Variants in CASK observed in about 807,000 individuals in gnomAD.
The protein encoded by CASK is calcium/calmodulin dependent serine protein kinase.
In CASK, 4 loss-of-function variants were observed where a neutral mutation model predicts 82.9. The ratio of observed to expected loss-of-function variants is 0.05; its 90% CI spans 0.02 to 0.11. The LOEUF (loss-of-function observed/expected upper bound fraction) is 0.11. CASK is among the 10% of genes least tolerant of loss of function. CASK has a pLI of 1.00. For missense variants in CASK, 358 were observed against 720.9 expected, an observed-to-expected ratio of 0.50 and a Z score of 5.76; for synonymous variants, 259 against 253.5, an observed-to-expected ratio of 1.02 and a Z score of -0.20.
intron 14 of CASK, among the ~76,000 whole-genome samples, chrX:41,581,758 A>ATC: frequency 9.2e-6 from 1 of 109,276 alleles, no homozygotes; most frequent in East Asian, 2.8e-4. Context: ...ATATATATAT[A>ATC]TCTCAGAATT....
intron 1 of CASK, among the ~76,000 whole-genome samples, chrX:41,915,670 C>T (rs1324895865): frequency 9.1e-6 from 1 of 109,527 alleles, no homozygotes; most frequent in African/African-American, 3.3e-5. Flanking sequence ...TCGAGACCAG[C>T]CTGGTGAAAC....
intron 1 of CASK, among the ~76,000 whole-genome samples, chrX:41,859,919 T>C (rs1057098691): frequency 9.0e-5 from 10 of 111,607 alleles, no homozygotes; most frequent in Non-Finnish European, 1.7e-4. Context: ...TCAGCATTCA[T>C]GGTAACTTTA....
At chrX:41,565,654 G>A (rs2065302427) in intron 16 of CASK, among the ~76,000 whole-genome samples, 1 of 111,422 alleles carries the variant, frequency 9.0e-6, no homozygotes, top group Non-Finnish European at 1.9e-5. Flanking sequence ...TTCTACCGGA[G>A]GTACAAAGAG....
At chrX:41,917,209 C>T (rs2072708351) in intron 1 of CASK, among the ~76,000 whole-genome samples, 1 of 111,920 alleles carries the variant, frequency 8.9e-6, no homozygotes, top group Non-Finnish European at 1.9e-5. Flanking sequence ...CATGGAACCG[C>T]GTTGGAATCT....
chrX:41,738,303 T>C (rs942430978), intron 5 of CASK, among the ~76,000 whole-genome samples: 5 of 112,867 alleles, frequency 4.4e-5, no homozygotes, highest in African/African-American at 1.3e-4. Context: ...GGGGGACCCA[T>C]TGAGATGCTC....
chrX:41,799,530 G>A (rs1159937022), intron 2 of CASK, among the ~76,000 whole-genome samples: 4 of 109,442 alleles, frequency 3.7e-5, no homozygotes, highest in African/African-American at 1.3e-4. Context: ...GGGAGACAGA[G>A]CAAGACTCTG....
intron 5 of CASK, among the ~76,000 whole-genome samples, chrX:41,719,294 C>T (rs761537634): frequency 8.9e-6 from 1 of 111,976 alleles, no homozygotes; most frequent in Non-Finnish European, 1.9e-5. Flanking sequence ...TGGTCACCCA[C>T]AGTTTGGAGC....
intron 5 of CASK, among the ~76,000 whole-genome samples, chrX:41,673,454 T>C (rs2067222197): frequency 9.0e-6 from 1 of 111,721 alleles, no homozygotes; most frequent in African/African-American, 3.3e-5. Flanking sequence ...AATAGAGCCA[T>C]AAATGCAAAT....
At chrX:41,668,864 A>G (rs1168984253) in intron 6 of CASK, among the ~76,000 whole-genome samples, 1 of 109,758 alleles carries the variant, frequency 9.1e-6, no homozygotes, top group African/African-American at 3.3e-5. Flanking sequence ...TGTAGCTGGG[A>G]ATACAGGCTC....
intron 22 of CASK, among the ~76,000 whole-genome samples, chrX:41,539,689 G>A (rs1370664235): frequency 1.8e-5 from 2 of 112,179 alleles, no homozygotes; most frequent in African/African-American, 6.5e-5. Context: ...ACCTTTCATC[G>A]TAGCTAAAAG....
intron 5 of CASK, among the ~76,000 whole-genome samples, chrX:41,726,108 C>T (rs2068255726): frequency 2.7e-5 from 3 of 111,842 alleles, no homozygotes; most frequent in Admixed American, 1.9e-4. Context: ...CCAACATACC[C>T]GGTCTAGTTT....
At chrX:41,570,034 A>T (rs1602279089) in intron 15 of CASK, among the ~76,000 whole-genome samples, 2 of 60,740 alleles carry the variant, frequency 3.3e-5, no homozygotes, top group Admixed American at 2.8e-4. Context: ...TTTTTTTGAG[A>T]CTCTGTCACC....
intron 5 of CASK, among the ~76,000 whole-genome samples, chrX:41,708,308 GTTAT>G (rs1456448720): frequency 1.8e-5 from 2 of 110,870 alleles, no homozygotes; most frequent in African/African-American, 3.3e-5. Context: ...GCTTTTCAGT[GTTAT>G]TTGACTTTTA....
intron 1 of CASK, among the ~76,000 whole-genome samples, chrX:41,922,641 C>T (rs1348237117): frequency 8.9e-6 from 1 of 112,176 alleles, no homozygotes; most frequent in African/African-American, 3.2e-5. Flanking sequence ...ATAAAATCGG[C>T]TGTGCCACGT....
chrX:41,890,886 T>C (rs898756017), intron 1 of CASK, among the ~76,000 whole-genome samples: 1 of 102,865 alleles, frequency 9.7e-6, no homozygotes, highest in East Asian at 3.0e-4. Context: ...GGTGTTACTA[T>C]AATTTCTTTT....
intron 12 of CASK, among the ~76,000 whole-genome samples, chrX:41,590,281 C>T (rs367899325): frequency 7.2e-5 from 8 of 110,610 alleles, no homozygotes; most frequent in African/African-American, 9.9e-5. Flanking sequence ...CCAAGGTGGG[C>T]GGATCACCTG....
At position 41,727,562 on chromosome X, in the gene CASK, C is replaced by CTACA. The variant is rs756989827; in HGVS notation, c.429+11818_429+11821dup. The stretch of plus-strand genomic sequence containing the variant: ...ACCGTATACTACTCAGTCATAGAGG[C>CTACA]TACAGAAGGAGAAGAGAGCCTATGC... On this transcript the variant is annotated intron_variant, in intron 5 of 26. Coordinates refer to ENST00000378163, the MANE Select transcript of CASK (RefSeq NM_001367721.1). 9 of 1,205,561 alleles carry CTACA rather than the reference C, an allele frequency of 7.5e-6. No homozygotes were observed. In the East Asian group the frequency reaches 2.7e-4, roughly 36 times the overall value.
intron 11 of CASK, among the ~76,000 whole-genome samples, chrX:41,611,519 T>TA (rs1477308029): frequency 1.8e-5 from 2 of 111,531 alleles, no homozygotes; most frequent in Non-Finnish European, 3.8e-5. Context: ...TATAATGGAA[T>TA]ATGTAGCCAA....
chrX:41,752,413 C>T (rs1215069313), intron 3 of CASK, among the ~76,000 whole-genome samples: 1 of 110,067 alleles, frequency 9.1e-6, no homozygotes, highest in African/African-American at 3.3e-5. Flanking sequence ...GCGTCAGCCT[C>T]CCGAGTAGCT....
Sources: allele counts gnomAD v4.1 joint callset (sites outside exome capture counted in the v4.1 genomes callset), GRCh38; gene constraint gnomAD v4.1.1; transcripts MANE v1.5; gene names NCBI Gene and HGNC (gene_info 2026-07-23, HGNC 2026-07-21).